KIF21A: variants seen among roughly 807,000 people sequenced by gnomAD.
The protein encoded by KIF21A is kinesin-like protein KIF21A.
Under a neutral mutation model 202.9 loss-of-function variants are expected in KIF21A, and 114 were observed. The observed-to-expected ratio is 0.56, with a 90% CI of 0.48 to 0.66. KIF21A has a LOEUF of 0.66. Among genes scored for constraint, KIF21A ranks in the 30% least tolerant of loss-of-function variants. The probability of loss-of-function intolerance (pLI) is 0.00; values close to 1 mark genes in which losing one functional copy is unlikely to be tolerated. For synonymous variants in KIF21A, 667 were observed against 670.8 expected, an observed-to-expected ratio of 0.99 and a Z score of 0.09; for missense variants, 1,677 against 1,994.9, an observed-to-expected ratio of 0.84 and a Z score of 3.04.
chr12:39,365,164 G>A (rs982920512), intron 6 of KIF21A, among the ~76,000 whole-genome samples: 1 of 152,032 alleles, frequency 6.6e-6, no homozygotes, highest in Admixed American at 6.6e-5. Flanking sequence ...CACTCCCTTA[G>A]CCCCCTCATT....
intron 1 of KIF21A, among the ~76,000 whole-genome samples, chr12:39,411,155 G>T (rs1953050349): frequency 6.6e-6 from 1 of 152,106 alleles, no homozygotes; most frequent in Non-Finnish European, 1.5e-5. Flanking sequence ...TATTGTCCAT[G>T]CCTCTTTTAG....
chr12:39,333,899 T>A (rs11171767), intron 17 of KIF21A, among the ~76,000 whole-genome samples: 13,048 of 151,188 alleles, frequency 0.086, 684 homozygotes, highest in South Asian at 0.29. Context: ...AAAAAAAAAA[T>A]TGGACTTAAA....
intron 36 of KIF21A, 48 bp downstream of exon 36, chr12:39,302,917 G>A (rs1034653106): frequency 1.4e-6 from 2 of 1,473,216 alleles, no homozygotes; most frequent in Non-Finnish European, 1.9e-6. Context: ...CAGGCTACAG[G>A]ATTGTGTTGA....
intron 1 of KIF21A, among the ~76,000 whole-genome samples, chr12:39,421,742 T>TACAC (rs755593805): frequency 0.097 from 13,872 of 142,946 alleles, 687 homozygotes; most frequent in East Asian, 0.14. Flanking sequence ...TATATATATA[T>TACAC]ACACATACAC....
chr12:39,314,005 G>T (rs1944275172), intron 31 of KIF21A, among the ~76,000 whole-genome samples: 1 of 151,542 alleles, frequency 6.6e-6, no homozygotes, highest in Non-Finnish European at 1.5e-5. Flanking sequence ...ATTTAAAAGG[G>T]CTGAATATAT....
Position 39,331,678 on chromosome 12 carries a change from G to A in KIF21A, c.3153+12C>T. On this transcript the variant is annotated intron_variant, in intron 22 of 37. Transcript: ENST00000361418. Reference sequence around the variant, plus strand: ...AACTTAGATTTTCAGTAACAGTGTGGTTGTATCTTACCTTATTGATGCCCA... The same window carrying A: ...AACTTAGATTTTCAGTAACAGTGTGATTGTATCTTACCTTATTGATGCCCA... 6.4e-7 allele frequency: 1 copy of A among 1,557,684 alleles called. No homozygotes were observed.
chr12:39,332,893 C>G lies in KIF21A; in HGVS notation c.2702G>C (p.Arg901Thr). 6.2e-7 allele frequency: 1 copy of G among 1,613,220 alleles called. No individual in the cohort carries two copies. Among genetic ancestry groups the G allele is most frequent in the Non-Finnish European group, 8.5e-7 (1 of 1,179,670 alleles). ...ALPTPATNGN[R>T]KKYQRKGLTG... ...TCAGCAGGAACAGAATTATGTAGAC[C>G]TGTTTCCATTTGTTGCCGGCGTTGG... is the stretch of plus-strand genomic sequence containing the variant. Residue 901 changes from arginine to threonine, a missense_variant and splice_region_variant, in exon 19 of 38, where the codon AGG (arginine) becomes ACG (threonine). Physicochemically the swap from Arg to Thr is moderately conservative, Grantham distance 71. Transcript: ENST00000361418.
chr12:39,326,364 T>G (rs749481647), intron 24 of KIF21A, 40 bp from the exon 25 acceptor site: 1 of 1,429,234 alleles, frequency 7.0e-7, no homozygotes, highest in Non-Finnish European at 9.9e-7. Flanking sequence ...TATCCCCATG[T>G]CACAGTTTGA....
intron 17 of KIF21A, 123 bp downstream of exon 17, chr12:39,336,973 C>G: frequency 1.4e-6 from 1 of 691,030 alleles, no homozygotes; most frequent in East Asian, 2.7e-5. Flanking sequence ...AAAGTGTATG[C>G]TTATCTATTG....
intron 11 of KIF21A, among the ~76,000 whole-genome samples, chr12:39,349,607 TC>T (rs1231348154): frequency 6.6e-6 from 1 of 152,070 alleles, no homozygotes; most frequent in Non-Finnish European, 1.5e-5. Flanking sequence ...TTGTAGGGAC[TC>T]CTTTGGCTAA....
intron 26 of KIF21A, 131 bp downstream of exon 26, chr12:39,325,708 T>C: frequency 2.9e-6 from 2 of 679,928 alleles, no homozygotes; most frequent in Middle Eastern, 3.7e-4. Flanking sequence ...AAAAACTAAA[T>C]AAAGAAGAGC....
intron 1 of KIF21A, among the ~76,000 whole-genome samples, chr12:39,375,306 T>C (rs1950203096): frequency 6.6e-6 from 1 of 152,204 alleles, no homozygotes; most frequent in Admixed American, 6.5e-5. Context: ...TTAGCAAAAC[T>C]GAGTTTATAC....
At chr12:39,436,795 C>CT (rs1441472897) in intron 1 of KIF21A, among the ~76,000 whole-genome samples, 1 of 152,086 alleles carries the variant, frequency 6.6e-6, no homozygotes, top group Non-Finnish European at 1.5e-5. Flanking sequence ...TTTTAACACT[C>CT]TGAGAAGATT....
chr12:39,347,970 G>C (rs568461608), intron 11 of KIF21A, among the ~76,000 whole-genome samples: 1 of 152,058 alleles, frequency 6.6e-6, no homozygotes, highest in East Asian at 1.9e-4. Flanking sequence ...TAATGATAAC[G>C]AGCTACAATG....
Position 39,337,112 on chromosome 12 carries a change from T to A in KIF21A, c.2402A>T (p.Asp801Val), listed in dbSNP as rs202062095. 95 of 1,603,100 alleles carry A rather than the reference T, an allele frequency of 5.9e-5. 1 individual carries two copies. Among genetic ancestry groups the A allele is most frequent in the Middle Eastern group, 1.7e-4 (1 of 6,060 alleles). ...TCCACTTACATCTCTTTTACGTTGATCCTTTTTCAACTGAGCAATCTCTCT... is the reference window on the plus strand; with the variant it reads ...TCCACTTACATCTCTTTTACGTTGAACCTTTTTCAACTGAGCAATCTCTCT... ...RNREIAQLKK[D>V]QRKRDHQLRL... Residue 801 changes from aspartate (D) to valine (V), a missense_variant, in exon 17 of 38, where the codon GAT (aspartate) becomes GTT (valine). Physicochemically the swap from Asp to Val is radical, Grantham distance 152. This residue lies in a region of KIF21A where 966 missense variants were observed against 1,180.9 expected (regional missense o/e 0.82). Transcript: ENST00000361418.
intron 1 of KIF21A, among the ~76,000 whole-genome samples, chr12:39,439,576 A>G (rs1939282756): frequency 6.6e-6 from 1 of 152,238 alleles, no homozygotes. Flanking sequence ...TTAAAAGTTT[A>G]TGATAACTGG....
In KIF21A at chr12:39,369,878, C is replaced by T. The variant is rs1949838687; in HGVS notation, c.301G>A (p.Gly101Arg). 1 of 1,613,558 alleles carries T rather than the reference C, an allele frequency of 6.2e-7. No homozygotes were observed. The highest frequency in any genetic ancestry group is 8.5e-7 in the Non-Finnish European group (1 of 1,179,684). The change falls in exon 3 of 38, where the codon GGA becomes AGA. Residue 101 changes from glycine to arginine, a missense_variant. By Grantham distance (125) the Gly-to-Arg change is moderately radical. Transcript: ENST00000361418. ...TCCTCAACAATGTTAACATCAAATC[C>T]TGTTCCCATTGTGTATGTTTTACCA... ...GAGKTYTMGTGFDVNIVEEEL... is the reference protein window; with the variant it reads ...GAGKTYTMGTRFDVNIVEEEL...
chr12:39,389,545 A>C (rs17127100), intron 1 of KIF21A, among the ~76,000 whole-genome samples: 19,642 of 152,202 alleles, frequency 0.13, 1,360 homozygotes, highest in African/African-American at 0.18. Flanking sequence ...CCACCAGTCC[A>C]TAATACCCAA....
intron 10 of KIF21A, among the ~76,000 whole-genome samples, chr12:39,353,008 T>C (rs994818482): frequency 2.1e-4 from 31 of 150,458 alleles, no homozygotes; most frequent in Non-Finnish European, 3.0e-5. Context: ...GGCACAACAG[T>C]GATTGAGACT....
Sources: allele counts gnomAD v4.1 joint callset (sites outside exome capture counted in the v4.1 genomes callset), GRCh38; gene constraint gnomAD v4.1.1; regional missense constraint gnomAD v4.1.1; transcripts MANE v1.5; gene names NCBI Gene and HGNC (gene_info 2026-07-23, HGNC 2026-07-21).